The following TTC13 variants were observed in gnomAD, a reference collection of about 807,000 sequenced individuals.
TTC13 encodes the protein tetratricopeptide repeat protein 13.
Under a neutral mutation model 120.0 loss-of-function variants are expected in TTC13, and 62 were observed. That is an observed-to-expected ratio of 0.52 (90% CI 0.42 to 0.64). The LOEUF (loss-of-function observed/expected upper bound fraction) is 0.64. Ranked by LOEUF, TTC13 falls within the 30% of genes least tolerant of loss-of-function variation. The pLI, the probability that TTC13 is intolerant of heterozygous loss-of-function variation, is 0.00. For missense variants in TTC13, 824 were observed against 1,050.2 expected (o/e 0.78, Z 2.98); for synonymous variants, 384 against 393.5 (o/e 0.98, Z 0.28).
chr1:230,960,165 G>A (rs2102962216), intron 2 of TTC13, among the ~76,000 whole-genome samples: 1 of 152,296 alleles, frequency 6.6e-6, no homozygotes, highest in Non-Finnish European at 1.5e-5. Context: ...TCTGGAGAAT[G>A]GATCAATAAA....
chr1:230,978,793 C>CAGA lies in TTC13; in HGVS notation c.35_37dup (p.Phe12dup). Reference sequence around the variant, plus strand: ...GCCCGCGGCGGCCACAGCGCCGCCCCAGAAGCAGCAGCAGCAGCAGCAGCC... The same window carrying CAGA: ...GCCCGCGGCGGCCACAGCGCCGCCCCAGAAGAAGCAGCAGCAGCAGCAGCAGCC... On this transcript the variant is annotated inframe_insertion, in exon 1 of 23. Coordinates refer to ENST00000366661, the MANE Select transcript of TTC13 (RefSeq NM_024525.5). The surrounding 1 kb of genome is among the most constrained non-coding windows in gnomAD (Gnocchi z 5.6). The CAGA allele has an allele frequency of 6.7e-7, 1 of 1,498,240 alleles. No individual in the cohort carries two copies. Among genetic ancestry groups the CAGA allele is most frequent in the Non-Finnish European group, 8.8e-7 (1 of 1,133,046 alleles). 92.8% of individuals were successfully genotyped at this position (1,498,240 alleles called of 1,614,324 possible). A position where few individuals can be genotyped will look rare whatever the true frequency, so the allele number is the denominator to read the frequency against.
intron 4 of TTC13, among the ~76,000 whole-genome samples, chr1:230,948,073 T>C (rs916017981): frequency 2.0e-5 from 3 of 152,216 alleles, no homozygotes; most frequent in African/African-American, 7.2e-5. Flanking sequence ...CCAAGAGTTA[T>C]CTTTCTAACA....
intron 6 of TTC13, among the ~76,000 whole-genome samples, chr1:230,941,953 A>T (rs1444547675): frequency 6.6e-6 from 1 of 152,348 alleles, no homozygotes; most frequent in East Asian, 1.9e-4. Flanking sequence ...AAAGTGAAAG[A>T]TTACTCATAA....
At chr1:230,922,791 C>T (rs1184815788) in intron 15 of TTC13, among the ~76,000 whole-genome samples, 1 of 152,188 alleles carries the variant, frequency 6.6e-6, no homozygotes, top group Admixed American at 6.5e-5. Context: ...TAACACACTG[C>T]ATAGTAGTTG....
At chr1:230,907,087 A>G (rs1671011365) in intron 22 of TTC13, 68 bp from the exon 23 acceptor site, 3 of 568,852 alleles carry the variant, frequency 5.3e-6, no homozygotes, top group Non-Finnish European at 9.0e-6. Context: ...GGCAGAGCTT[A>G]TATTTATTCC....
chr1:230,944,960 C>T lies in TTC13; in HGVS notation c.579+429G>A, dbSNP rs922257283. Among the ~76,000 whole-genome samples the T allele has an allele frequency of 3.2e-4, 49 of 152,256 alleles. No individual in the cohort carries two copies. Among genetic ancestry groups the T allele is most frequent in the African/African-American group, 1.1e-3 (47 of 41,554 alleles). On this transcript the variant is annotated intron_variant, in intron 5 of 22. Coordinates refer to ENST00000366661, the MANE Select transcript of TTC13 (RefSeq NM_024525.5). The surrounding 1 kb of genome is among the most constrained non-coding windows in gnomAD (Gnocchi z 4.0). ...AGAAATAAGGGGAATAATTTGATTA[C>T]AGCTACAAAGATATTACGCCATATG...
At chr1:230,914,477 CTCCCCG>C in intron 18 of TTC13, among the ~76,000 whole-genome samples, 2 of 152,174 alleles carry the variant, frequency 1.3e-5, no homozygotes, top group South Asian at 4.2e-4. Context: ...TCACTGCAAC[CTCCCCG>C]TCATGGGTTC....
chr1:230,972,512 CT>C (rs1677869969), intron 1 of TTC13, among the ~76,000 whole-genome samples: 1 of 152,164 alleles, frequency 6.6e-6, no homozygotes, highest in South Asian at 2.1e-4. Flanking sequence ...ACAAAATGAC[CT>C]CTTTAAAACA....
intron 1 of TTC13, among the ~76,000 whole-genome samples, chr1:230,970,833 G>T (rs7536604): frequency 6.6e-6 from 1 of 152,190 alleles, no homozygotes; most frequent in Non-Finnish European, 1.5e-5. Flanking sequence ...AGCACACTGA[G>T]CTACTTGAAA....
intron 18 of TTC13, among the ~76,000 whole-genome samples, chr1:230,914,464 G>A (rs950760697): frequency 4.6e-5 from 7 of 151,728 alleles, no homozygotes; most frequent in South Asian, 4.2e-4. Context: ...GCATGATCTC[G>A]GCTCACTGCA....
intron 4 of TTC13, among the ~76,000 whole-genome samples, chr1:230,948,607 C>A (rs1392833114): frequency 6.6e-6 from 1 of 151,966 alleles, no homozygotes; most frequent in African/African-American, 2.4e-5. Flanking sequence ...CCCACCTCAG[C>A]CTTTCAAGTA....
intron 2 of TTC13, 51 bp from the exon 3 acceptor site, chr1:230,958,350 GA>G: frequency 1.4e-5 from 21 of 1,540,776 alleles, no homozygotes; most frequent in Non-Finnish European, 1.8e-5. Flanking sequence ...ACAAATGAAA[GA>G]AAACTTGTAT....
At chr1:230,945,530 C>G in intron 4 of TTC13, 76 bp from the exon 5 acceptor site, 1 of 1,319,152 alleles carries the variant, frequency 7.6e-7, no homozygotes, top group Non-Finnish European at 1.1e-6. Context: ...GCTTAAAGCA[C>G]GTTAATGCCG....
intron 1 of TTC13, among the ~76,000 whole-genome samples, chr1:230,968,443 C>T (rs532740849): frequency 1.2e-4 from 18 of 152,144 alleles, no homozygotes; most frequent in Non-Finnish European, 2.5e-4. Flanking sequence ...CCTCTTCTCG[C>T]AGCTCAAGTT....
At chr1:230,938,367 T>C (rs1182067200) in intron 8 of TTC13, among the ~76,000 whole-genome samples, 6 of 152,170 alleles carry the variant, frequency 3.9e-5, no homozygotes, top group Non-Finnish European at 5.9e-5. Flanking sequence ...GAGAGGCAGC[T>C]CCCCGTCAGG....
intron 11 of TTC13, among the ~76,000 whole-genome samples, chr1:230,929,713 G>C (rs955753918): frequency 9.2e-5 from 14 of 152,156 alleles, no homozygotes; most frequent in African/African-American, 3.4e-4. Context: ...CTCAGATAGA[G>C]CCTGGTACTC....
At chr1:230,938,960 G>A (rs1674318082) in intron 8 of TTC13, among the ~76,000 whole-genome samples, 1 of 151,920 alleles carries the variant, frequency 6.6e-6, no homozygotes, top group Non-Finnish European at 1.5e-5. Flanking sequence ...CATCACCCAC[G>A]CTCTCCTCTC....
intron 4 of TTC13, 114 bp downstream of exon 4, chr1:230,954,219 C>T: frequency 1.4e-6 from 1 of 716,484 alleles, no homozygotes. Flanking sequence ...CAATTTCTTT[C>T]ACTTTCTTGT....
intron 11 of TTC13, among the ~76,000 whole-genome samples, chr1:230,929,340 G>A (rs898863997): frequency 3.4e-5 from 2 of 58,256 alleles, no homozygotes; most frequent in African/African-American, 5.0e-5. Context: ...TTTTTGAGAC[G>A]GAGTCTTGCT....
Sources: gnomAD v4.1 joint callset for allele counts (sites outside exome capture counted in the v4.1 genomes callset) on GRCh38, gnomAD v4.1.1 for gene constraint, Gnocchi (gnomAD v3.1) non-coding constraint, MANE v1.5 for transcripts, NCBI Gene and HGNC (gene_info 2026-07-23, HGNC 2026-07-21) for gene names.